The following CABCOCO1 variants were observed in gnomAD, a reference collection of about 807,000 sequenced individuals.
CABCOCO1 encodes ciliary-associated calcium-binding coiled-coil protein 1.
CABCOCO1 carries 28 observed loss-of-function variants against 35.7 expected under a neutral mutation model. That is an observed-to-expected ratio of 0.78 (90% CI 0.58 to 1.07). CABCOCO1 has a LOEUF of 1.07. CABCOCO1 is among the 50% of genes least tolerant of loss of function. The probability of loss-of-function intolerance (pLI) is 0.00; values close to 1 mark genes in which losing one functional copy is unlikely to be tolerated. For missense variants in CABCOCO1, 326 were observed against 309.2 expected, an observed-to-expected ratio of 1.05 and a Z score of -0.41; for synonymous variants, 95 against 100.1, an observed-to-expected ratio of 0.95 and a Z score of 0.30.
At chr10:61,728,805 A>G (rs1312632555) in intron 5 of CABCOCO1, among the ~76,000 whole-genome samples, 1 of 152,170 alleles carries the variant, frequency 6.6e-6, no homozygotes, top group Non-Finnish European at 1.5e-5. Flanking sequence ...TACTATAGCC[A>G]GAGCCAAGAT....
chr10:61,694,730 T>G (rs1840248793), intron 5 of CABCOCO1, among the ~76,000 whole-genome samples: 2 of 152,042 alleles, frequency 1.3e-5, no homozygotes, highest in African/African-American at 4.8e-5. Context: ...TCTACAAGTT[T>G]GGAAAAGGTG....
At chr10:61,725,313 C>T (rs919630834) in intron 5 of CABCOCO1, among the ~76,000 whole-genome samples, 2 of 152,096 alleles carry the variant, frequency 1.3e-5, no homozygotes, top group Admixed American at 1.3e-4. Context: ...TGCACACATA[C>T]GTTTACTGCA....
intron 6 of CABCOCO1, 67 bp from the exon 7 acceptor site, chr10:61,760,796 T>C: frequency 6.7e-7 from 1 of 1,494,496 alleles, no homozygotes; most frequent in South Asian, 1.3e-5. Flanking sequence ...CAAGAAGTTT[T>C]AGGTTCCATA....
chr10:61,739,201 A>T (rs1007917390), intron 5 of CABCOCO1, among the ~76,000 whole-genome samples: 3 of 152,196 alleles, frequency 2.0e-5, no homozygotes. Flanking sequence ...ACAAAAGTGG[A>T]TGCCTCGGCC....
intron 7 of CABCOCO1, among the ~76,000 whole-genome samples, chr10:61,761,715 G>A (rs1336347127): frequency 6.6e-6 from 1 of 152,026 alleles, no homozygotes; most frequent in African/African-American, 2.4e-5. Flanking sequence ...AATCAGGAGG[G>A]CAACCTAGTG....
At chr10:61,742,059 G>A (rs1381237973) in intron 5 of CABCOCO1, among the ~76,000 whole-genome samples, 1 of 152,106 alleles carries the variant, frequency 6.6e-6, no homozygotes, top group East Asian at 1.9e-4. Flanking sequence ...ATAGTGGCGT[G>A]GAAGGTAGAG....
At chr10:61,682,585 A>T (rs1352307103) in intron 3 of CABCOCO1, among the ~76,000 whole-genome samples, 1 of 152,170 alleles carries the variant, frequency 6.6e-6, no homozygotes, top group Non-Finnish European at 1.5e-5. Flanking sequence ...ATTTCTTATG[A>T]TGCTAAATTG....
At chr10:61,727,192 G>A (rs944287476) in intron 5 of CABCOCO1, among the ~76,000 whole-genome samples, 8 of 152,050 alleles carry the variant, frequency 5.3e-5, no homozygotes, top group African/African-American at 1.9e-4. Context: ...TCTTAACACA[G>A]GGAAGTACTC....
At chr10:61,675,007 G>GT (rs1181131921) in intron 2 of CABCOCO1, among the ~76,000 whole-genome samples, 1 of 152,002 alleles carries the variant, frequency 6.6e-6, no homozygotes, top group African/African-American at 2.4e-5. Context: ...TTGCCTTGAG[G>GT]TTTATTTCTG....
intron 5 of CABCOCO1, among the ~76,000 whole-genome samples, chr10:61,703,689 T>G (rs1354484536): frequency 6.6e-6 from 1 of 151,558 alleles, no homozygotes. Flanking sequence ...TGGGCTGCCT[T>G]CAGGCCTGCC....
intron 2 of CABCOCO1, among the ~76,000 whole-genome samples, chr10:61,678,951 C>A (rs1839613541): frequency 6.6e-6 from 1 of 152,122 alleles, no homozygotes; most frequent in Admixed American, 6.5e-5. Context: ...AAGAAATAGA[C>A]CTATCTCGAC....
intron 5 of CABCOCO1, among the ~76,000 whole-genome samples, chr10:61,700,973 A>C (rs1840442719): frequency 6.6e-6 from 1 of 151,702 alleles, no homozygotes; most frequent in African/African-American, 2.4e-5. Context: ...ACATGTATAC[A>C]TATACATACA....
At chr10:61,684,675 G>C (rs1019031367) in intron 3 of CABCOCO1, among the ~76,000 whole-genome samples, 1 of 152,064 alleles carries the variant, frequency 6.6e-6, no homozygotes, top group East Asian at 1.9e-4. Context: ...CAGGCGGCCT[G>C]TCCAGCCTGG....
chr10:61,676,274 A>T (rs1839509291), intron 2 of CABCOCO1, among the ~76,000 whole-genome samples: 2 of 152,228 alleles, frequency 1.3e-5, no homozygotes, highest in African/African-American at 4.8e-5. Flanking sequence ...CTGAAAAATA[A>T]ATCAGTTCAT....
chr10:61,675,153 A>G (rs1349878162), intron 2 of CABCOCO1, among the ~76,000 whole-genome samples: 2 of 151,778 alleles, frequency 1.3e-5, no homozygotes, highest in Non-Finnish European at 2.9e-5. Flanking sequence ...ACTTCCTAAA[A>G]CACAGTGAAT....
intron 4 of CABCOCO1, among the ~76,000 whole-genome samples, chr10:61,686,981 A>G (rs899323885): frequency 6.6e-6 from 1 of 152,206 alleles, no homozygotes; most frequent in African/African-American, 2.4e-5. Flanking sequence ...CTTGTACTAT[A>G]TACTCCAGTG....
At chr10:61,676,761 A>G (rs1165662110) in intron 2 of CABCOCO1, among the ~76,000 whole-genome samples, 1 of 152,140 alleles carries the variant, frequency 6.6e-6, no homozygotes, top group Non-Finnish European at 1.5e-5. Context: ...GCAAAGAAAT[A>G]TATAAGATAG....
At chr10:61,732,601 A>G (rs115207747) in intron 5 of CABCOCO1, among the ~76,000 whole-genome samples, 2,130 of 152,162 alleles carry the variant, frequency 0.014, 43 homozygotes, top group African/African-American at 0.048. Flanking sequence ...CTTACTGGAA[A>G]TAGATTTGCT....
At chr10:61,748,930 G>A (rs1841722591) in intron 5 of CABCOCO1, among the ~76,000 whole-genome samples, 1 of 152,028 alleles carries the variant, frequency 6.6e-6, no homozygotes, top group South Asian at 2.1e-4. Flanking sequence ...GCCTCGGGAT[G>A]GACAATGAGA....
Sources: gnomAD v4.1 joint callset for allele counts (sites outside exome capture counted in the v4.1 genomes callset) on GRCh38, gnomAD v4.1.1 for gene constraint, MANE v1.5 for transcripts, NCBI Gene and HGNC (gene_info 2026-07-23, HGNC 2026-07-21) for gene names.